Variants in CACNA2D3 observed in about 807,000 individuals in gnomAD.
CACNA2D3 encodes the protein calcium voltage-gated channel auxiliary subunit alpha2delta 3, also known as voltage-dependent calcium channel subunit alpha-2/delta-3.
Under a neutral mutation model 160.6 loss-of-function variants are expected in CACNA2D3, and 60 were observed. That is an observed-to-expected ratio of 0.37 (90% CI 0.30 to 0.46). The LOEUF (loss-of-function observed/expected upper bound fraction) is 0.46, where lower values mean the gene tolerates loss of function less well. Among genes scored for constraint, CACNA2D3 ranks in the 20% least tolerant of loss-of-function variants. The pLI is 1.00. For missense variants in CACNA2D3, 1,205 were observed against 1,365.0 expected (o/e 0.88, Z 1.85); for synonymous variants, 558 against 492.9 (o/e 1.13, Z -1.75).
At chr3:54,834,639 C>A (rs915598878) in intron 14 of CACNA2D3, among the ~76,000 whole-genome samples, 1 of 151,990 alleles carries the variant, frequency 6.6e-6, no homozygotes, top group Non-Finnish European at 1.5e-5. Flanking sequence ...ATTCTTTCAC[C>A]CAAATTAGGG....
At chr3:55,068,190 T>C (rs1056226630) in intron 35 of CACNA2D3, among the ~76,000 whole-genome samples, 2 of 152,198 alleles carry the variant, frequency 1.3e-5, no homozygotes, top group African/African-American at 4.8e-5. Flanking sequence ...CAAGGGCAAG[T>C]GTGTAGCTTG....
At chr3:54,203,573 T>C (rs1701214371) in intron 2 of CACNA2D3, among the ~76,000 whole-genome samples, 1 of 152,110 alleles carries the variant, frequency 6.6e-6, no homozygotes, top group Non-Finnish European at 1.5e-5. Flanking sequence ...GAGGGCAAAG[T>C]TTTATTGAGT....
At chr3:54,855,487 G>A (rs1010040546) in intron 17 of CACNA2D3, among the ~76,000 whole-genome samples, 12 of 152,126 alleles carry the variant, frequency 7.9e-5, no homozygotes, top group Non-Finnish European at 1.8e-4. Context: ...GTGGCCCTGA[G>A]TGATACGAAG....
intron 27 of CACNA2D3, among the ~76,000 whole-genome samples, chr3:54,938,944 G>T (rs1266618324): frequency 6.6e-6 from 1 of 152,112 alleles, no homozygotes; most frequent in Non-Finnish European, 1.5e-5. Flanking sequence ...TTGGCCTGCA[G>T]AAATGAAGTA....
intron 5 of CACNA2D3, among the ~76,000 whole-genome samples, chr3:54,518,913 TGTG>T (rs1227797456): frequency 7.9e-6 from 1 of 127,380 alleles, no homozygotes; most frequent in Non-Finnish European, 1.7e-5. Context: ...TAGTAGCTAA[TGTG>T]AGGAATTAAC....
chr3:54,752,926 T>C (rs1221379812), intron 12 of CACNA2D3, among the ~76,000 whole-genome samples: 1 of 151,480 alleles, frequency 6.6e-6, no homozygotes, highest in African/African-American at 2.4e-5. Context: ...AGTAACGCGA[T>C]CTCAGCTCAC....
chr3:55,031,736 T>C (rs980681762), intron 35 of CACNA2D3, among the ~76,000 whole-genome samples: 1 of 152,160 alleles, frequency 6.6e-6, no homozygotes, highest in Non-Finnish European at 1.5e-5. Context: ...AACCGGCTAA[T>C]GACAAAGGTT....
At chr3:54,642,277 C>T in intron 11 of CACNA2D3, 36 bp downstream of exon 11, 4 of 1,252,828 alleles carry the variant, frequency 3.2e-6, no homozygotes, top group African/African-American at 1.5e-5. Flanking sequence ...GCGGTGGACT[C>T]CTTGAGAATC....
intron 14 of CACNA2D3, among the ~76,000 whole-genome samples, chr3:54,822,364 G>A (rs1181475959): frequency 1.3e-5 from 2 of 152,216 alleles, no homozygotes; most frequent in African/African-American, 4.8e-5. Context: ...GTGGAAATCT[G>A]AGTGATGGCA....
chr3:54,633,872 G>A (rs980431435), intron 10 of CACNA2D3: 2 of 152,134 alleles, frequency 1.3e-5, no homozygotes, highest in Admixed American at 6.6e-5. Context: ...TGAAAGCTCC[G>A]GAAGGAAACT....
At chr3:54,924,601 C>T (rs550923314) in intron 27 of CACNA2D3, 3 of 1,589,792 alleles carry the variant, frequency 1.9e-6, no homozygotes, top group Non-Finnish European at 2.6e-6. Context: ...TGGGGGGTTC[C>T]AAATAGACAT....
intron 11 of CACNA2D3, among the ~76,000 whole-genome samples, chr3:54,704,665 G>T (rs999504929): frequency 2.0e-5 from 3 of 152,154 alleles, no homozygotes; most frequent in Admixed American, 6.5e-5. Flanking sequence ...TTAACAAGAG[G>T]TGTTTAGGCC....
At chr3:54,618,752 C>G (rs569940998) in intron 9 of CACNA2D3, among the ~76,000 whole-genome samples, 2 of 152,256 alleles carry the variant, frequency 1.3e-5, no homozygotes, top group African/African-American at 4.8e-5. Flanking sequence ...GTGCAAAGAA[C>G]TGTAGGTGTG....
At chr3:54,794,007 A>G (rs575524080) in intron 13 of CACNA2D3, among the ~76,000 whole-genome samples, 1 of 152,296 alleles carries the variant, frequency 6.6e-6, no homozygotes, top group African/African-American at 2.4e-5. Context: ...TTATTGGCAT[A>G]AAGATGTTCA....
At chr3:54,796,196 G>T (rs867801800) in intron 13 of CACNA2D3, among the ~76,000 whole-genome samples, 60 of 152,230 alleles carry the variant, frequency 3.9e-4, no homozygotes, top group Middle Eastern at 3.4e-3. Context: ...TAAGTTTTTA[G>T]GGAAAGAGCA....
intron 28 of CACNA2D3, among the ~76,000 whole-genome samples, chr3:54,968,898 T>C (rs1267001930): frequency 1.3e-5 from 2 of 152,202 alleles, no homozygotes; most frequent in Non-Finnish European, 2.9e-5. Context: ...ACGTAACTAG[T>C]TTCTCCAAAA....
chr3:55,016,860 G>A (rs1568036), intron 34 of CACNA2D3, among the ~76,000 whole-genome samples: 110,594 of 152,138 alleles, frequency 0.73, 40,996 homozygotes, highest in African/African-American at 0.85. Context: ...ATAAGAAACC[G>A]TCATGCTAGG....
At chr3:54,239,294 G>T (rs546199657) in intron 2 of CACNA2D3, among the ~76,000 whole-genome samples, 33 of 152,326 alleles carry the variant, frequency 2.2e-4, no homozygotes, top group African/African-American at 7.5e-4. Flanking sequence ...TATTGTACTG[G>T]TTAAATGTGG....
chr3:54,806,281 C>T (rs2106685397), intron 13 of CACNA2D3, among the ~76,000 whole-genome samples: 1 of 152,244 alleles, frequency 6.6e-6, no homozygotes, highest in East Asian at 1.9e-4. Context: ...TTGCAGACGA[C>T]ATGATTGTAT....
Sources: allele counts gnomAD v4.1 joint callset (sites outside exome capture counted in the v4.1 genomes callset), GRCh38; gene constraint gnomAD v4.1.1; transcripts MANE v1.5; gene names NCBI Gene and HGNC (gene_info 2026-07-23, HGNC 2026-07-21).